The following PCDH19 variants were observed in gnomAD, a reference collection of about 807,000 sequenced individuals.
The protein encoded by PCDH19 is protocadherin 19, also known as protocadherin-19.
In PCDH19, 6 loss-of-function variants were observed where a neutral mutation model predicts 46.2. That is an observed-to-expected ratio of 0.13 (90% CI 0.07 to 0.26). The LOEUF is 0.26. Ranked by LOEUF, PCDH19 falls within the 10% of genes least tolerant of loss-of-function variation. The pLI, the probability that PCDH19 is intolerant of heterozygous loss-of-function variation, is 1.00. For missense variants in PCDH19, 740 were observed against 972.3 expected (o/e 0.76, Z 3.18); for synonymous variants, 481 against 415.7 (o/e 1.16, Z -1.91).
intron 3 of PCDH19, among the ~76,000 whole-genome samples, chrX:100,398,957 G>C (rs1410701344): frequency 8.9e-6 from 1 of 111,766 alleles, no homozygotes; most frequent in Non-Finnish European, 1.9e-5. Flanking sequence ...ACGTGCTCAG[G>C]AATAGGATGT....
intron 5 of PCDH19, among the ~76,000 whole-genome samples, chrX:100,330,216 A>T (rs1376068613): frequency 8.9e-6 from 1 of 112,295 alleles, no homozygotes; most frequent in African/African-American, 3.2e-5. Context: ...GAACAGTTTG[A>T]CCAGCCTAAA....
intron 3 of PCDH19, among the ~76,000 whole-genome samples, chrX:100,390,194 C>G (rs1261160418): frequency 9.0e-6 from 1 of 111,143 alleles, no homozygotes; most frequent in African/African-American, 3.3e-5. Flanking sequence ...CAGGCCTGGT[C>G]AGTGAAGGAT....
At chrX:100,365,534 T>C (rs1198225681) in intron 3 of PCDH19, among the ~76,000 whole-genome samples, 2 of 111,773 alleles carry the variant, frequency 1.8e-5, no homozygotes, top group African/African-American at 6.5e-5. Context: ...TTTGCAAAGG[T>C]TCTCGAAATC....
At chrX:100,330,367 T>C (rs1277242146) in intron 5 of PCDH19, among the ~76,000 whole-genome samples, 1 of 112,266 alleles carries the variant, frequency 8.9e-6, no homozygotes, top group African/African-American at 3.2e-5. Flanking sequence ...TTTATTATTA[T>C]GCAAGTTAAG....
rs749767935 is a variant in PCDH19, at chrX:100,406,716, G to A, written c.1882C>T (p.Arg628Cys). ...DQVNGEVRTT[R>C]TFGESSKSSY... ...GACTTGGAGCTCTCCCCGAAGGTGC[G>A]GGTGGTTCTGACTTCGCCATTGACC... The change falls in exon 1 of 6, where the codon CGC becomes TGC. Residue 628 changes from arginine (R) to cysteine (C), a missense_variant. Arg to Cys is a radical substitution (Grantham distance 180, BLOSUM62 -3). This residue lies in a region of PCDH19 where 416 missense variants were observed against 476.8 expected (regional missense o/e 0.87). Transcript: ENST00000373034. 2 of 1,211,760 alleles carry A rather than the reference G, an allele frequency of 1.7e-6. No individual in the cohort carries two copies. The highest frequency in any genetic ancestry group is 1.8e-5 in the South Asian group (1 of 56,995).
At chrX:100,314,393 G>T (rs1391042217) in intron 5 of PCDH19, among the ~76,000 whole-genome samples, 1 of 111,992 alleles carries the variant, frequency 8.9e-6, no homozygotes, top group Admixed American at 9.5e-5. Flanking sequence ...ACTAGACACA[G>T]ACTGTCCGGA....
intron 3 of PCDH19, among the ~76,000 whole-genome samples, chrX:100,392,762 G>A (rs1261657753): frequency 9.0e-6 from 1 of 111,387 alleles, no homozygotes; most frequent in Non-Finnish European, 1.9e-5. Flanking sequence ...GCCTCTGTTC[G>A]TCCCTGTATC....
intron 4 of PCDH19, among the ~76,000 whole-genome samples, chrX:100,345,910 C>T (rs964917340): frequency 1.8e-5 from 2 of 111,975 alleles, no homozygotes; most frequent in Admixed American, 1.9e-4. Flanking sequence ...CAAGATGCCA[C>T]ATATTGTAAA....
At chrX:100,405,562 T>TCCCCCCC (rs376813599) in intron 1 of PCDH19, among the ~76,000 whole-genome samples, 1 of 58,175 alleles carries the variant, frequency 1.7e-5, no homozygotes, top group Non-Finnish European at 3.1e-5. Context: ...TCTCTCTCCC[T>TCCCCCCC]CCCCCCCCCA....
chrX:100,376,689 T>A lies in PCDH19; in HGVS notation c.2616+25835A>T, dbSNP rs778330332. Among the ~76,000 whole-genome samples, 10 of 111,259 alleles carry A rather than the reference T, an allele frequency of 9.0e-5. No individual in the cohort carries two copies. In the South Asian group the frequency reaches 3.8e-3, roughly 43 times the overall value. On this transcript the variant is annotated intron_variant, in intron 3 of 5. Transcript: ENST00000373034. ...TGCCAGTAACTTAGATTTTTTTCTTTATCTACAGCAAATGCAGAGAAGATT... is the reference window on the plus strand; with the variant it reads ...TGCCAGTAACTTAGATTTTTTTCTTAATCTACAGCAAATGCAGAGAAGATT...
chrX:100,404,151 C>T (rs1380889566), intron 1 of PCDH19, among the ~76,000 whole-genome samples: 1 of 111,699 alleles, frequency 9.0e-6, no homozygotes, highest in Non-Finnish European at 1.9e-5. Flanking sequence ...TGGAAAGACA[C>T]GCTCCTGAAC....
chrX:100,313,011 G>T (rs1270471081), intron 5 of PCDH19, among the ~76,000 whole-genome samples: 5 of 109,931 alleles, frequency 4.5e-5, no homozygotes, highest in African/African-American at 1.7e-4. Context: ...ACACACACAC[G>T]CACATTCACC....
rs1364690089 is a variant in PCDH19, at chrX:100,381,131, C to T, written c.2616+21393G>A. Among the ~76,000 whole-genome samples the T allele has an allele frequency of 3.6e-5, 4 of 112,061 alleles. No homozygotes were observed. In the East Asian group the frequency reaches 8.4e-4, roughly 23 times the overall value. On this transcript the variant is annotated intron_variant, in intron 3 of 5. Coordinates refer to ENST00000373034, the MANE Select transcript of PCDH19 (RefSeq NM_001184880.2). ...TTACAAAACTGTACTCTGTGAGCAA[C>T]GTAGAAGGTCCAAGGCCAAAGATAA... is the stretch of plus-strand genomic sequence containing the variant.
intron 5 of PCDH19, among the ~76,000 whole-genome samples, chrX:100,322,244 A>C (rs916682642): frequency 9.0e-6 from 1 of 111,388 alleles, no homozygotes; most frequent in Non-Finnish European, 1.9e-5. Context: ...TGATTTTTGT[A>C]TAAGGTGAGA....
At chrX:100,371,011 GTGTGT>G (rs1208014052) in intron 3 of PCDH19, among the ~76,000 whole-genome samples, 2 of 109,930 alleles carry the variant, frequency 1.8e-5, no homozygotes, top group African/African-American at 3.3e-5. Flanking sequence ...GTGTGTGTGT[GTGTGT>G]GTGTGTGTGG....
intron 3 of PCDH19, among the ~76,000 whole-genome samples, chrX:100,391,207 G>A (rs1019337934): frequency 2.7e-5 from 3 of 111,195 alleles, no homozygotes; most frequent in African/African-American, 6.5e-5. Context: ...TAAATTTTTA[G>A]GTAGAGTGAT....
rs1425396727 is a variant in PCDH19 at position 100,390,327 on chromosome X, G to A, written c.2616+12197C>T. 5.4e-5 allele frequency among the ~76,000 whole-genome samples: 6 copies of A among 112,004 alleles called. No individual in the cohort carries two copies. In the Admixed American group the frequency reaches 5.7e-4, roughly 11 times the overall value. On this transcript the variant is annotated intron_variant, in intron 3 of 5. Coordinates refer to ENST00000373034, the MANE Select transcript of PCDH19 (RefSeq NM_001184880.2). Reference sequence around the variant, plus strand: ...TAAAGTCTGGAGGCAAATCATCATAGAGGGCAAGGTTTGACCCAGAATAAA... The same window carrying A: ...TAAAGTCTGGAGGCAAATCATCATAAAGGGCAAGGTTTGACCCAGAATAAA...
intron 3 of PCDH19, among the ~76,000 whole-genome samples, chrX:100,355,200 A>G (rs1926675641): frequency 8.9e-6 from 1 of 111,960 alleles, no homozygotes; most frequent in Non-Finnish European, 1.9e-5. Flanking sequence ...TTAAGAACCA[A>G]AACTTTGATT....
At chrX:100,323,589 A>G (rs888695948) in intron 5 of PCDH19, among the ~76,000 whole-genome samples, 1 of 111,808 alleles carries the variant, frequency 8.9e-6, no homozygotes, top group Non-Finnish European at 1.9e-5. Flanking sequence ...GTTGTTTGGT[A>G]ATGTTCAGAG....
Sources: allele counts gnomAD v4.1 joint callset (sites outside exome capture counted in the v4.1 genomes callset), GRCh38; gene constraint gnomAD v4.1.1; regional missense constraint gnomAD v4.1.1; transcripts MANE v1.5; gene names NCBI Gene and HGNC (gene_info 2026-07-23, HGNC 2026-07-21).